STK32B: variants seen among roughly 807,000 people sequenced by gnomAD.
The protein encoded by STK32B is serine/threonine-protein kinase 32B.
STK32B carries 43 observed loss-of-function variants against 52.6 expected under a neutral mutation model. The ratio of observed to expected loss-of-function variants is 0.82; its 90% CI spans 0.64 to 1.05. The LOEUF (loss-of-function observed/expected upper bound fraction) is 1.05, where lower values mean the gene tolerates loss of function less well. Ranked by LOEUF, STK32B falls within the 50% of genes least tolerant of loss-of-function variation. The probability of loss-of-function intolerance (pLI) is 0.00; values close to 1 mark genes in which losing one functional copy is unlikely to be tolerated. For synonymous variants in STK32B, 238 were observed against 204.3 expected (o/e 1.17, Z -1.41); for missense variants, 621 against 534.6 (o/e 1.16, Z -1.59).
At chr4:5,406,729 G>A (rs1737705806) in intron 5 of STK32B, among the ~76,000 whole-genome samples, 1 of 152,148 alleles carries the variant, frequency 6.6e-6, no homozygotes, top group South Asian at 2.1e-4. Flanking sequence ...GATGCAGGGA[G>A]CAGTGTCTCG....
At chr4:5,366,331 C>CT (rs1476467321) in intron 4 of STK32B, among the ~76,000 whole-genome samples, 6 of 152,344 alleles carry the variant, frequency 3.9e-5, no homozygotes, top group African/African-American at 1.4e-4. Context: ...CCTTCTTCCT[C>CT]TTACCTTCCC....
intron 1 of STK32B, among the ~76,000 whole-genome samples, chr4:5,117,168 G>C (rs1369708416): frequency 6.6e-6 from 1 of 152,152 alleles, no homozygotes; most frequent in Non-Finnish European, 1.5e-5. Context: ...GGGACCTCCA[G>C]CACTAAGATG....
At position 5,185,274 on chromosome 4, in the gene STK32B, C is replaced by T. The variant is rs6844875; in HGVS notation, c.260+16824C>T. On this transcript the variant is annotated intron_variant, in intron 3 of 11. Coordinates refer to ENST00000282908, the MANE Select transcript of STK32B (RefSeq NM_018401.3). The stretch of plus-strand genomic sequence containing the variant: ...TGTCCCTGTCTATTGCCTAAACAAC[C>T]GAGAGAATGAATGAACATTCTCAGG... Among the ~76,000 whole-genome samples, 1,519 of 152,160 alleles carry T rather than the reference C, an allele frequency of 1.0e-2. 22 individuals carry two copies. The highest frequency in any genetic ancestry group is 0.034 in the African/African-American group (1,405 of 41,488).
chr4:5,336,566 A>T (rs146862387), intron 4 of STK32B, among the ~76,000 whole-genome samples: 4 of 152,196 alleles, frequency 2.6e-5, no homozygotes, highest in African/African-American at 4.8e-5. Context: ...CATTTTTTTT[A>T]AATTCATGGA....
At chr4:5,123,357 C>T (rs534325360) in intron 1 of STK32B, among the ~76,000 whole-genome samples, 11 of 152,304 alleles carry the variant, frequency 7.2e-5, no homozygotes, top group Admixed American at 6.5e-4. Context: ...GCAGCCGGCA[C>T]AAATGAGGAT....
intron 8 of STK32B, among the ~76,000 whole-genome samples, chr4:5,457,238 C>T (rs529410987): frequency 9.0e-4 from 111 of 123,722 alleles, no homozygotes; most frequent in Non-Finnish European, 1.5e-3. Context: ...TTTTAATATA[C>T]GGAGTCTCAC....
intron 4 of STK32B, among the ~76,000 whole-genome samples, chr4:5,373,152 C>T (rs139475780): frequency 1.0e-3 from 155 of 152,262 alleles, no homozygotes; most frequent in African/African-American, 3.6e-3. Flanking sequence ...GGAAAGGATG[C>T]TCTGGTTTCT....
rs145375886 is a variant in STK32B at position 5,386,074 on chromosome 4, A to T, written c.435-12133A>T. Reference sequence around the variant, plus strand: ...ACCCACAGCCCCACCCATAGCCCCTACCCAGATTTCCCATGCAGAGCTCCA... The same window carrying T: ...ACCCACAGCCCCACCCATAGCCCCTTCCCAGATTTCCCATGCAGAGCTCCA... On this transcript the variant is annotated intron_variant, in intron 4 of 11. Transcript: ENST00000282908. The surrounding 1 kb of genome is among the most constrained non-coding windows in gnomAD (Gnocchi z 4.5). 9.0e-3 allele frequency among the ~76,000 whole-genome samples: 942 copies of T among 104,174 alleles called. 5 individuals carry two copies. The highest frequency in any genetic ancestry group is 0.015 in the Non-Finnish European group (726 of 50,044). The allele number at this position is 104,174 out of a possible 152,430, so 68.3% of individuals were successfully genotyped here. A position where few individuals can be genotyped will look rare whatever the true frequency, so the allele number is the denominator to read the frequency against.
chr4:5,068,930 G>T (rs7697884), intron 1 of STK32B, among the ~76,000 whole-genome samples: 68,453 of 151,996 alleles, frequency 0.45, 16,208 homozygotes, highest in South Asian at 0.62. Flanking sequence ...GCAAGAACAC[G>T]TAAGACCTAC....
rs1331274520 is a variant in STK32B at position 5,380,065 on chromosome 4, T to A, written c.435-18142T>A. Among the ~76,000 whole-genome samples, 1 of 152,176 alleles carries A rather than the reference T, an allele frequency of 6.6e-6. No homozygotes were observed. Among genetic ancestry groups the A allele is most frequent in the Non-Finnish European group, 1.5e-5 (1 of 68,040 alleles). On this transcript the variant is annotated intron_variant, in intron 4 of 11. Transcript: ENST00000282908. This position sits in a 1 kb window ranked among gnomAD's most constrained non-coding sequence, Gnocchi z 4.3. ...AAAACCACTGCCTCGATCACGGGGC[T>A]ATGCTCACTGTGCAGAGCATCTCCC...
chr4:5,105,655 C>T (rs961025520), intron 1 of STK32B, among the ~76,000 whole-genome samples: 1 of 152,014 alleles, frequency 6.6e-6, no homozygotes, highest in Non-Finnish European at 1.5e-5. Context: ...GCTCCGCCTC[C>T]CGGGTTCACG....
intron 4 of STK32B, among the ~76,000 whole-genome samples, chr4:5,371,002 A>ATATATATATATATATATG (rs1204029655): frequency 8.4e-6 from 1 of 118,424 alleles, no homozygotes; most frequent in African/African-American, 4.0e-5. Context: ...GTGTGTATAT[A>ATATATATATATATATATG]TATATATATG....
chr4:5,140,921 G>A (rs78116549), intron 2 of STK32B, among the ~76,000 whole-genome samples: 5 of 152,096 alleles, frequency 3.3e-5, no homozygotes, highest in South Asian at 2.1e-4. Flanking sequence ...AGAGAGATGC[G>A]AAACAGATAA....
intron 1 of STK32B, among the ~76,000 whole-genome samples, chr4:5,118,890 G>A (rs1420080470): frequency 6.6e-6 from 1 of 152,148 alleles, no homozygotes; most frequent in East Asian, 1.9e-4. Flanking sequence ...CCTGTGTTGT[G>A]CTGTCTTCCT....
chr4:5,292,064 G>A (rs1173112600), intron 3 of STK32B, among the ~76,000 whole-genome samples: 1 of 152,078 alleles, frequency 6.6e-6, no homozygotes, highest in African/African-American at 2.4e-5. Context: ...CAAGGTTGAT[G>A]CCATGTCTTT....
intron 3 of STK32B, among the ~76,000 whole-genome samples, chr4:5,293,126 CT>C (rs1300131388): frequency 2.6e-5 from 4 of 152,010 alleles, no homozygotes; most frequent in African/African-American, 9.7e-5. Flanking sequence ...TTAACTCATT[CT>C]TTTTTATGGC....
intron 5 of STK32B, among the ~76,000 whole-genome samples, chr4:5,408,570 C>T (rs543460345): frequency 2.0e-5 from 3 of 152,038 alleles, no homozygotes; most frequent in Non-Finnish European, 4.4e-5. Flanking sequence ...TATAGCAATG[C>T]GAGAACAAAC....
intron 1 of STK32B, among the ~76,000 whole-genome samples, chr4:5,066,752 A>G (rs940865081): frequency 6.6e-6 from 1 of 152,196 alleles, no homozygotes; most frequent in Non-Finnish European, 1.5e-5. Flanking sequence ...TTCAGTTTTG[A>G]AAAAGTTTAC....
At chr4:5,107,016 C>T (rs543240138) in intron 1 of STK32B, among the ~76,000 whole-genome samples, 4 of 152,310 alleles carry the variant, frequency 2.6e-5, no homozygotes, top group South Asian at 2.1e-4. Context: ...CCCCCAGGAA[C>T]CCGGCTGCAT....
Sources: gnomAD v4.1 joint callset for allele counts (sites outside exome capture counted in the v4.1 genomes callset) on GRCh38, gnomAD v4.1.1 for gene constraint, Gnocchi (gnomAD v3.1) non-coding constraint, MANE v1.5 for transcripts, NCBI Gene and HGNC (gene_info 2026-07-23, HGNC 2026-07-21) for gene names.